The following TRPV5 variants were observed in gnomAD, a reference collection of about 807,000 sequenced individuals.
TRPV5 encodes transient receptor potential cation channel subfamily V member 5, also known as calcium transport protein 2.
In TRPV5, 66 loss-of-function variants were observed where a neutral mutation model predicts 74.1. That is an observed-to-expected ratio of 0.89 (90% CI 0.73 to 1.09). The LOEUF (loss-of-function observed/expected upper bound fraction) is 1.09. TRPV5 is among the 50% of genes least tolerant of loss of function. TRPV5 has a pLI of 0.00. For missense variants in TRPV5, 936 were observed against 930.4 expected (o/e 1.01, Z -0.08); for synonymous variants, 399 against 360.7 (o/e 1.11, Z -1.20).
Position 142,925,514 on chromosome 7 carries a change from T to A in TRPV5, c.1122+15A>T. Reference sequence around the variant, plus strand: ...TTGATGCAATTCTCTCTCATCCCCTTCTGAGGAGAATCACCTGTAGTAGTT... The same window carrying A: ...TTGATGCAATTCTCTCTCATCCCCTACTGAGGAGAATCACCTGTAGTAGTT... On this transcript the variant is annotated intron_variant, in intron 8 of 14. Transcript: ENST00000265310. 3 of 1,613,666 alleles carry A rather than the reference T, an allele frequency of 1.9e-6. No homozygotes were observed. The highest frequency in any genetic ancestry group is 2.5e-6 in the Non-Finnish European group (3 of 1,179,612).
chr7:142,925,775 C>G, intron 7 of TRPV5, 34 bp from the exon 8 acceptor site: 1 of 1,586,496 alleles, frequency 6.3e-7, no homozygotes, highest in Non-Finnish European at 8.6e-7. Flanking sequence ...TTGGGGTGAC[C>G]AACACAGAAG....
At position 142,909,536 on chromosome 7, in the gene TRPV5, C is replaced by T. The variant is rs547597656; in HGVS notation, c.1849G>A (p.Gly617Arg). Reference protein sequence around the residue: ...KLPRCLWPRSGICGCEFGLGD... With the variant: ...KLPRCLWPRSRICGCEFGLGD... ...AGCCCGAATTCGCACCCACAGATCCCGGAGCGAGGCCACAGGCAGCGAGGC... is the reference window on the plus strand; with the variant it reads ...AGCCCGAATTCGCACCCACAGATCCTGGAGCGAGGCCACAGGCAGCGAGGC... Residue 617 changes from glycine to arginine, a missense_variant, in exon 14 of 15, where the codon GGG becomes AGG. Transcript: ENST00000265310. The T allele has an allele frequency of 2.4e-5, 38 of 1,614,058 alleles. No individual in the cohort carries two copies. The East Asian group carries it at 4.2e-4, about 18-fold the overall frequency.
intron 13 of TRPV5, among the ~76,000 whole-genome samples, chr7:142,911,646 A>C (rs531065459): frequency 6.6e-6 from 1 of 152,272 alleles, no homozygotes; most frequent in Admixed American, 6.5e-5. Context: ...TTTCCAACTA[A>C]ACCGTCAGCT....
chr7:142,924,925 T>TA (rs1795957901), intron 8 of TRPV5: 1 of 157,624 alleles, frequency 6.3e-6, no homozygotes, highest in Admixed American at 6.0e-5. Context: ...GTCCTCTTCC[T>TA]AACCCTAGTT....
Position 142,925,632 on chromosome 7 carries a change from A to T in TRPV5, c.1019T>A (p.Met340Lys), listed in dbSNP as rs1282159694. 1.2e-6 allele frequency: 2 copies of T among 1,614,064 alleles called. No homozygotes were observed. Among genetic ancestry groups the T allele is most frequent in the African/African-American group, 2.7e-5 (2 of 74,916 alleles). Residue 340 changes from methionine to lysine, a missense_variant, in exon 8 of 15, where the codon ATG (methionine) becomes AAG (lysine). Coordinates refer to ENST00000265310, the MANE Select transcript of TRPV5 (RefSeq NM_019841.7). ...GACGCAGCACGTAGTAAAGCAGATC[A>T]TGTAGAGCAGGTACAAGGCAGCCAG... Reference protein sequence around the residue: ...CILAALYLLYMICFTTCCVYR... With the variant: ...CILAALYLLYKICFTTCCVYR...
chr7:142,915,348 A>G lies in TRPV5; in HGVS notation c.1245T>C (p.Tyr415=), dbSNP rs1244087547. ...PDIFRVGASR[Y]FGKTILGGPF... ...GCCCCCCAAGAATCGTCTTTCCAAAATAGCGAGAGGCACCAACCCTGAAGA... is the reference window on the plus strand; with the variant it reads ...GCCCCCCAAGAATCGTCTTTCCAAAGTAGCGAGAGGCACCAACCCTGAAGA... Residue 415 remains tyrosine, a synonymous_variant, in exon 10 of 15, where the codon TAT becomes TAC. Coordinates refer to ENST00000265310, the MANE Select transcript of TRPV5 (RefSeq NM_019841.7). 3.1e-6 allele frequency: 5 copies of G among 1,607,602 alleles called. No individual in the cohort carries two copies. Among genetic ancestry groups the G allele is most frequent in the Non-Finnish European group, 3.4e-6 (4 of 1,178,466 alleles).
intron 14 of TRPV5, among the ~76,000 whole-genome samples, chr7:142,909,074 G>A (rs753339386): frequency 3.3e-5 from 5 of 152,058 alleles, no homozygotes; most frequent in Non-Finnish European, 5.9e-5. Flanking sequence ...TTACTAATAC[G>A]TAGGAATGTG....
chr7:142,930,300 GAGT>G (rs1796064969), intron 2 of TRPV5, 46 bp downstream of exon 2: 1 of 1,609,106 alleles, frequency 6.2e-7, no homozygotes, highest in Non-Finnish European at 8.5e-7. Flanking sequence ...TGGGGAGGAG[GAGT>G]AGGTTCTTCT....
rs780954843 is a variant in TRPV5, at chr7:142,925,517, G to A, written c.1122+12C>T. 3.1e-6 allele frequency: 5 copies of A among 1,613,608 alleles called. No homozygotes were observed. The highest frequency in any genetic ancestry group is 3.4e-6 in the Non-Finnish European group (4 of 1,179,648). Reference sequence around the variant, plus strand: ...ATGCAATTCTCTCTCATCCCCTTCTGAGGAGAATCACCTGTAGTAGTTTTT... The same window carrying A: ...ATGCAATTCTCTCTCATCCCCTTCTAAGGAGAATCACCTGTAGTAGTTTTT... On this transcript the variant is annotated intron_variant, in intron 8 of 14. Coordinates refer to ENST00000265310, the MANE Select transcript of TRPV5 (RefSeq NM_019841.7).
intron 1 of TRPV5, 82 bp from the exon 2 acceptor site, chr7:142,930,528 T>C: frequency 3.8e-6 from 4 of 1,039,316 alleles, no homozygotes; most frequent in South Asian, 1.3e-5. Context: ...AGACATTCTT[T>C]AAGACCAACG....
At chr7:142,911,678 C>A (rs2116574453) in intron 13 of TRPV5, among the ~76,000 whole-genome samples, 1 of 152,326 alleles carries the variant, frequency 6.6e-6, no homozygotes, top group South Asian at 2.1e-4. Flanking sequence ...CATATGGTGT[C>A]TGTTGTGTTT....
chr7:142,910,979 G>A (rs1795693515), intron 13 of TRPV5, among the ~76,000 whole-genome samples: 2 of 152,022 alleles, frequency 1.3e-5, no homozygotes, highest in Admixed American at 6.5e-5. Context: ...TAGATTCAAC[G>A]ATGTGCCTAT....
At chr7:142,933,066 T>C (rs1796122647) in intron 1 of TRPV5, among the ~76,000 whole-genome samples, 1 of 152,188 alleles carries the variant, frequency 6.6e-6, no homozygotes, top group African/African-American at 2.4e-5. Flanking sequence ...TTTTGGTCCT[T>C]TCACTCCCCC....
intron 6 of TRPV5, 148 bp downstream of exon 6, chr7:142,928,543 G>A (rs138917490): frequency 8.3e-7 from 1 of 1,209,132 alleles, no homozygotes; most frequent in African/African-American, 1.5e-5. Flanking sequence ...TGATGGAATA[G>A]GAAGCAAGGG....
rs1281412498 is a variant in TRPV5, at chr7:142,930,193, A to G, written c.227-13T>C. 6.2e-7 allele frequency: 1 copy of G among 1,611,008 alleles called. No individual in the cohort carries two copies. On this transcript the variant is annotated splice_polypyrimidine_tract_variant and intron_variant, in intron 2 of 14. Coordinates refer to ENST00000265310, the MANE Select transcript of TRPV5 (RefSeq NM_019841.7). ...TCCCCCAGGGCTCCTGGATTGGAGT[A>G]AGACAGAGATGTTAGACACTTTTCA... is the stretch of plus-strand genomic sequence containing the variant.
At chr7:142,929,765 G>A (rs142579128) in intron 3 of TRPV5, among the ~76,000 whole-genome samples, 200 bp from the exon 4 acceptor site, 8 of 152,252 alleles carry the variant, frequency 5.3e-5, no homozygotes, top group Admixed American at 2.0e-4. Context: ...TCAGTTATTG[G>A]GAGCCAGCAG....
chr7:142,908,573 GC>G lies in TRPV5; in HGVS notation c.2130del (p.His711ThrfsTer2). The G allele has an allele frequency of 6.2e-7, 1 of 1,614,238 alleles. No individual in the cohort carries two copies. Among genetic ancestry groups the G allele is most frequent in the African/African-American group, 1.3e-5 (1 of 75,060 alleles). On this transcript the variant is annotated frameshift_variant, in exon 15 of 15. Transcript: ENST00000265310. LOFTEE classifies it high-confidence loss of function. ...CTAAGGTTCAGTCCAAGATTCAAGT[GC>G]CCCAGGGTGTTTTGACGAAGGATCT... Reference protein sequence around the residue: ...GWEILRQNTLGHLNLGLNLSE... With the variant: ...GWEILRQNTLXHLNLGLNLSE...
Position 142,914,941 on chromosome 7 carries a change from A to G in TRPV5, c.1392T>C (p.Ser464=), listed in dbSNP as rs1427090262. ...MSFALVLGWC[S]VMYFTRGFQM... ...GGAATCCTCGAGTGAAATACATGAC[A>G]CTGCACCAGCCCAGCACCAGGGCAA... is the stretch of plus-strand genomic sequence containing the variant. Residue 464 remains serine, a synonymous_variant, in exon 11 of 15, where the codon AGT becomes AGC. Coordinates refer to ENST00000265310, the MANE Select transcript of TRPV5 (RefSeq NM_019841.7). 1 of 1,614,054 alleles carries G rather than the reference A, an allele frequency of 6.2e-7. No individual in the cohort carries two copies. The highest frequency in any genetic ancestry group is 1.7e-5 in the Admixed American group (1 of 60,012).
intron 8 of TRPV5, among the ~76,000 whole-genome samples, chr7:142,920,372 T>C (rs1372667185): frequency 3.3e-5 from 5 of 152,206 alleles, no homozygotes; most frequent in African/African-American, 1.2e-4. Flanking sequence ...ACAGTGCCAA[T>C]TATCAAAACT....
Sources: gnomAD v4.1 joint callset for allele counts (sites outside exome capture counted in the v4.1 genomes callset) on GRCh38, gnomAD v4.1.1 for gene constraint, MANE v1.5 for transcripts, NCBI Gene and HGNC (gene_info 2026-07-23, HGNC 2026-07-21) for gene names.